Variants in KREMEN1 observed in about 807,000 individuals in gnomAD.
KREMEN1 encodes kringle containing transmembrane protein 1.
KREMEN1 carries 30 observed loss-of-function variants against 46.5 expected under a neutral mutation model. That is an observed-to-expected ratio of 0.65 (90% CI 0.48 to 0.88). The LOEUF (loss-of-function observed/expected upper bound fraction) is 0.88. KREMEN1 is among the 40% of genes least tolerant of loss of function. The pLI is 0.00. For synonymous variants in KREMEN1, 214 were observed against 230.6 expected, an observed-to-expected ratio of 0.93 and a Z score of 0.65; for missense variants, 533 against 596.9, an observed-to-expected ratio of 0.89 and a Z score of 1.11.
At chr22:29,100,314 C>T (rs376232317) in intron 3 of KREMEN1, among the ~76,000 whole-genome samples, 8 of 152,140 alleles carry the variant, frequency 5.3e-5, no homozygotes, top group South Asian at 2.1e-4. Context: ...GGGGTTTCTC[C>T]ATGTGGTCAG....
chr22:29,118,915 C>A lies in KREMEN1; in HGVS notation c.353-2442C>A, dbSNP rs935108093. Among the ~76,000 whole-genome samples, 5 of 152,294 alleles carry A rather than the reference C, an allele frequency of 3.3e-5. No individual in the cohort carries two copies. In the East Asian group the frequency reaches 5.8e-4, roughly 18 times the overall value. ...AACTCAGTCCCACAAGACTGCCCCCCACTTCAGATGCCAATTACAAGGAGT... is the reference window on the plus strand; with the variant it reads ...AACTCAGTCCCACAAGACTGCCCCCAACTTCAGATGCCAATTACAAGGAGT... On this transcript the variant is annotated intron_variant, in intron 3 of 8. Transcript: ENST00000400335.
chr22:29,112,098 T>C (rs1387154197), intron 3 of KREMEN1, among the ~76,000 whole-genome samples: 3 of 152,182 alleles, frequency 2.0e-5, no homozygotes, highest in Non-Finnish European at 4.4e-5. Flanking sequence ...TCTCTCAGCT[T>C]GTTATCCATC....
chr22:29,129,882 G>A (rs2038507510), intron 5 of KREMEN1, among the ~76,000 whole-genome samples: 1 of 152,132 alleles, frequency 6.6e-6, no homozygotes, highest in African/African-American at 2.4e-5. Context: ...AACACTGACG[G>A]GGGCTTCATA....
exon 10 of KREMEN1, chr22:29,167,099 G>A: frequency 1.3e-6 from 2 of 1,551,566 alleles, no homozygotes; most frequent in Non-Finnish European, 1.7e-6. Context: ...CAGCCCAGAA[G>A]TATCTGACTG....
At chr22:29,101,064 C>T (rs1408649784) in intron 3 of KREMEN1, among the ~76,000 whole-genome samples, 1 of 152,018 alleles carries the variant, frequency 6.6e-6, no homozygotes, top group Non-Finnish European at 1.5e-5. Flanking sequence ...CCAGCTTGGC[C>T]AACATGGCAA....
intron 9 of KREMEN1, among the ~76,000 whole-genome samples, chr22:29,164,619 G>A (rs1183150089): frequency 3.3e-5 from 5 of 151,968 alleles, no homozygotes; most frequent in South Asian, 2.1e-4. Context: ...GGTGGCGGGT[G>A]CCTGTAATCC....
chr22:29,107,583 A>G (rs1035535367), intron 3 of KREMEN1, among the ~76,000 whole-genome samples: 4 of 152,120 alleles, frequency 2.6e-5, no homozygotes, highest in African/African-American at 9.7e-5. Flanking sequence ...CCAAAGCAAT[A>G]TTGAAATGAA....
At chr22:29,079,636 T>C (rs1010229599) in intron 1 of KREMEN1, among the ~76,000 whole-genome samples, 2 of 152,266 alleles carry the variant, frequency 1.3e-5, no homozygotes, top group Admixed American at 1.3e-4. Context: ...CAGAACGGTA[T>C]ACTCACACAC....
At chr22:29,154,114 A>C (rs2145869869) in intron 9 of KREMEN1, among the ~76,000 whole-genome samples, 1 of 152,306 alleles carries the variant, frequency 6.6e-6, no homozygotes, top group Non-Finnish European at 1.5e-5. Flanking sequence ...TTTTATCAGT[A>C]AACTCAGGGG....
intron 1 of KREMEN1, among the ~76,000 whole-genome samples, chr22:29,076,724 T>A: frequency 6.6e-6 from 1 of 152,074 alleles, no homozygotes; most frequent in Non-Finnish European, 1.5e-5. Context: ...TGGTGGCACG[T>A]GCCTGTAATC....
At chr22:29,092,447 T>G (rs1487472149) in intron 1 of KREMEN1, among the ~76,000 whole-genome samples, 1 of 152,200 alleles carries the variant, frequency 6.6e-6, no homozygotes, top group Non-Finnish European at 1.5e-5. Context: ...TTAGAAGTGA[T>G]TTGGATGATG....
At chr22:29,094,867 G>T (rs1414401163) in intron 2 of KREMEN1, among the ~76,000 whole-genome samples, 1 of 151,782 alleles carries the variant, frequency 6.6e-6, no homozygotes, top group Non-Finnish European at 1.5e-5. Flanking sequence ...CTTGTGATCC[G>T]CCCGCCTCAG....
chr22:29,114,817 C>T (rs928761640), intron 3 of KREMEN1, among the ~76,000 whole-genome samples: 2 of 152,006 alleles, frequency 1.3e-5, no homozygotes, highest in South Asian at 2.1e-4. Context: ...CCTCAAGTTA[C>T]CAAGAAATAT....
chr22:29,096,107 A>T (rs1474606964), intron 2 of KREMEN1, among the ~76,000 whole-genome samples: 1 of 152,124 alleles, frequency 6.6e-6, no homozygotes, highest in East Asian at 1.9e-4. Flanking sequence ...ATGTTAATTT[A>T]TTTTTTGCAT....
chr22:29,113,658 G>A (rs1753016102), intron 3 of KREMEN1, among the ~76,000 whole-genome samples: 1 of 152,200 alleles, frequency 6.6e-6, no homozygotes, highest in South Asian at 2.1e-4. Context: ...GTGATGGAGA[G>A]GCCAGAATTT....
exon 10 of KREMEN1, chr22:29,167,346 G>A: frequency 7.5e-6 from 4 of 535,436 alleles, no homozygotes; most frequent in East Asian, 3.1e-5. Flanking sequence ...GCAGCAGAGC[G>A]GGACCTCGTC....
chr22:29,135,772 C>A (rs1235444921), intron 5 of KREMEN1, among the ~76,000 whole-genome samples: 1 of 152,292 alleles, frequency 6.6e-6, no homozygotes, highest in South Asian at 2.1e-4. Context: ...GTCACCTCTT[C>A]CTCCTGTGTT....
At chr22:29,131,523 CATATATATATATATATAT>C (rs148738725) in intron 5 of KREMEN1, among the ~76,000 whole-genome samples, 4,981 of 93,636 alleles carry the variant, frequency 0.053, 218 homozygotes, top group South Asian at 0.13. Context: ...GTATTCTGTT[CATATATATATATATATAT>C]ATATATATAT....
At chr22:29,155,058 CTG>C (rs959233993) in intron 9 of KREMEN1, among the ~76,000 whole-genome samples, 10 of 151,568 alleles carry the variant, frequency 6.6e-5, no homozygotes, top group African/African-American at 2.4e-4. Flanking sequence ...TCTACACACA[CTG>C]TATCAGAATA....
Sources: gnomAD v4.1 joint callset for allele counts (sites outside exome capture counted in the v4.1 genomes callset) on GRCh38, gnomAD v4.1.1 for gene constraint, MANE v1.5 for transcripts, NCBI Gene and HGNC (gene_info 2026-07-23, HGNC 2026-07-21) for gene names.